Variants in ZNF841 observed in about 807,000 individuals in gnomAD.
ZNF841 encodes the protein TCONS_00006091.
ZNF841 carries 11 observed loss-of-function variants against 13.0 expected under a neutral mutation model. The observed-to-expected ratio is 0.85, with a 90% CI of 0.53 to 1.40. The LOEUF is 1.40. Among genes scored for constraint, ZNF841 ranks in the 40% most tolerant of loss-of-function variants. The probability of loss-of-function intolerance (pLI) is 0.00; values close to 1 mark genes in which losing one functional copy is unlikely to be tolerated. For missense variants in ZNF841, 1,068 were observed against 1,139.5 expected, an observed-to-expected ratio of 0.94 and a Z score of 0.90; for synonymous variants, 369 against 381.6, an observed-to-expected ratio of 0.97 and a Z score of 0.38.
intron 5 of ZNF841, among the ~76,000 whole-genome samples, chr19:52,076,650 C>CAA (rs35136245): frequency 0.039 from 4,215 of 108,878 alleles, 244 homozygotes; most frequent in African/African-American, 0.12. Context: ...GAGACTGTGT[C>CAA]AAAAAAAAAA....
intron 3 of ZNF841, among the ~76,000 whole-genome samples, chr19:52,087,754 G>A (rs2088325749): frequency 6.6e-6 from 1 of 152,060 alleles, no homozygotes; most frequent in Non-Finnish European, 1.5e-5. Context: ...GGGAGGCTGA[G>A]GTGGGCAAAT....
At chr19:52,084,685 T>A (rs372824507) in intron 4 of ZNF841, 102 bp downstream of exon 4, 1 of 1,319,608 alleles carries the variant, frequency 7.6e-7, no homozygotes, top group Non-Finnish European at 1.1e-6. Context: ...CGAGCAAATG[T>A]GTCAGGCAGG....
chr19:52,068,245 A>C (rs2087642129), intron 6 of ZNF841, among the ~76,000 whole-genome samples: 1 of 152,192 alleles, frequency 6.6e-6, no homozygotes, highest in African/African-American at 2.4e-5. Context: ...TAAAGATAAA[A>C]GAAAGGTAAA....
At chr19:52,082,439 A>G (rs1231810707) in intron 4 of ZNF841, among the ~76,000 whole-genome samples, 1 of 152,260 alleles carries the variant, frequency 6.6e-6, no homozygotes, top group Non-Finnish European at 1.5e-5. Context: ...AATTCAAATT[A>G]AAGATTCAAT....
intron 6 of ZNF841, among the ~76,000 whole-genome samples, 194 bp downstream of exon 6, chr19:52,075,850 G>C (rs1350254788): frequency 6.6e-6 from 1 of 152,188 alleles, no homozygotes; most frequent in Non-Finnish European, 1.5e-5. Context: ...TGCTCTGTTT[G>C]AGCTGCAGCA....
downstream of ZNF841, among the ~76,000 whole-genome samples, chr19:52,061,563 T>C (rs1037319164): frequency 3.3e-5 from 5 of 152,134 alleles, no homozygotes; most frequent in African/African-American, 1.2e-4. Flanking sequence ...TTTTCTTTTT[T>C]GAGACAGAGT....
the ZNF841 span, among the ~76,000 whole-genome samples, chr19:52,059,410 C>CAG: frequency 3.6e-4 from 44 of 121,158 alleles, 1 homozygote; most frequent in African/African-American, 5.4e-4. Flanking sequence ...CACACACACA[C>CAG]AGAGAAATGA....
chr19:52,071,520 A>G (rs1451259210), intron 6 of ZNF841, among the ~76,000 whole-genome samples: 1 of 152,212 alleles, frequency 6.6e-6, no homozygotes, highest in African/African-American at 2.4e-5. Context: ...AGGTTTAAAT[A>G]TATGTTAATG....
chr19:52,075,511 TGA>T (rs2087871486), intron 6 of ZNF841, among the ~76,000 whole-genome samples: 1 of 152,164 alleles, frequency 6.6e-6, no homozygotes, highest in African/African-American at 2.4e-5. Context: ...CTGAGGGACC[TGA>T]ACAGGCAGAG....
chr19:52,074,619 A>C (rs1033792480), intron 6 of ZNF841, among the ~76,000 whole-genome samples: 8 of 151,972 alleles, frequency 5.3e-5, no homozygotes, highest in African/African-American at 1.9e-4. Context: ...CAGATTTGAG[A>C]GATTCTCCTG....
intron 2 of ZNF841, among the ~76,000 whole-genome samples, chr19:52,091,713 A>G (rs2088502964): frequency 6.6e-6 from 1 of 152,226 alleles, no homozygotes; most frequent in South Asian, 2.1e-4. Context: ...ATTTAAATAT[A>G]TGATCTAAAA....
chr19:52,084,749 G>C (rs763834999), intron 4 of ZNF841, 38 bp downstream of exon 4: 1 of 1,609,350 alleles, frequency 6.2e-7, no homozygotes, highest in Non-Finnish European at 8.5e-7. Flanking sequence ...TTTCAAAAAG[G>C]GAGGAGACAG....
At chr19:52,062,652 C>T (rs914269509), downstream of ZNF841, among the ~76,000 whole-genome samples, 1 of 152,100 alleles carries the variant, frequency 6.6e-6, no homozygotes, top group Non-Finnish European at 1.5e-5. Context: ...AGTCAACTAG[C>T]CTTTTTAAGA....
chr19:52,084,147 C>T (rs190645306), intron 4 of ZNF841, among the ~76,000 whole-genome samples: 8 of 152,226 alleles, frequency 5.3e-5, no homozygotes, highest in African/African-American at 1.9e-4. Flanking sequence ...AGGAACACCA[C>T]ATTCTCTGTG....
intron 5 of ZNF841, among the ~76,000 whole-genome samples, chr19:52,076,717 G>A (rs978322284): frequency 1.3e-5 from 2 of 150,760 alleles, no homozygotes; most frequent in South Asian, 4.2e-4. Flanking sequence ...TATTAACTCC[G>A]CCATAAGGTT....
chr19:52,066,556 T>G lies in ZNF841; in HGVS notation c.1326A>C (p.Ser442=). 6.2e-7 allele frequency: 1 copy of G among 1,613,666 alleles called. No homozygotes were observed. Among genetic ancestry groups the G allele is most frequent in the South Asian group, 1.1e-5 (1 of 91,042 alleles). ...GAATTATCTGGTGCCTTACAAGTTG[T>G]GAATTCTGATAAAAGACCTTGCCAC... ...DVCGKVFYQN[S]QLVRHQIIHT... is the part of the protein sequence containing the mutation. The change falls in exon 7 of 7, where the codon TCA becomes TCC. Residue 442 remains serine, a synonymous_variant. Transcript: ENST00000594440.
At position 52,065,559 on chromosome 19, in the gene ZNF841, G is replaced by C; in HGVS notation, c.2323C>G (p.Arg775Gly). The C allele has an allele frequency of 6.2e-7, 1 of 1,612,646 alleles. No homozygotes were observed. The highest frequency in any genetic ancestry group is 8.5e-7 in the Non-Finnish European group (1 of 1,179,530). The change falls in exon 7 of 7, where the codon CGT becomes GGT. Residue 775 changes from arginine (R) to glycine (G), a missense_variant. By Grantham distance (125) the Arg-to-Gly change is moderately radical. Transcript: ENST00000594440. ...YKCNECGKVF[R>G]YRSGLARHWS... Reference sequence around the variant, plus strand: ...TGACGTGCGAGGCCTGAGCGATAACGGAAGACCTTGCCACATTCATTACAT... The same window carrying C: ...TGACGTGCGAGGCCTGAGCGATAACCGAAGACCTTGCCACATTCATTACAT...
intron 6 of ZNF841, among the ~76,000 whole-genome samples, 177 bp downstream of exon 6, chr19:52,075,867 G>A (rs2087882517): frequency 6.6e-6 from 1 of 152,178 alleles, no homozygotes. Context: ...AGCAACCCCT[G>A]GAGAGTGAAA....
chr19:52,078,409 C>CACTG lies in ZNF841; in HGVS notation c.16-1329_16-1326dup, dbSNP rs1211113863. On this transcript the variant is annotated intron_variant, in intron 4 of 6. Transcript: ENST00000594440. The stretch of plus-strand genomic sequence containing the variant: ...AGGCAATTTTAAAAATTAAGCAAAT[C>CACTG]ACTGGGACAAAGAAATATGTAAAAA... Among the ~76,000 whole-genome samples, 3 of 152,218 alleles carry CACTG rather than the reference C, an allele frequency of 2.0e-5. No homozygotes were observed. The South Asian group carries it at 6.2e-4, about 32-fold the overall frequency.
Sources: gnomAD v4.1 joint callset for allele counts (sites outside exome capture counted in the v4.1 genomes callset) on GRCh38, gnomAD v4.1.1 for gene constraint, MANE v1.5 for transcripts, NCBI Gene and HGNC (gene_info 2026-07-23, HGNC 2026-07-21) for gene names.